SHANK2: variants seen among roughly 807,000 people sequenced by gnomAD.
SHANK2 encodes SH3 and multiple ankyrin repeat domains 2.
A neutral mutation model predicts 133.7 loss-of-function variants in SHANK2; 43 were observed. The observed-to-expected ratio is 0.32, with a 90% CI of 0.25 to 0.41. The LOEUF (loss-of-function observed/expected upper bound fraction) is 0.41, where lower values mean the gene tolerates loss of function less well. SHANK2 is among the 10% of genes least tolerant of loss of function. The probability of loss-of-function intolerance (pLI) is 1.00; values close to 1 mark genes in which losing one functional copy is unlikely to be tolerated. For synonymous variants in SHANK2, 1,017 were observed against 952.8 expected (o/e 1.07, Z -1.24); for missense variants, 1,994 against 2,235.8 (o/e 0.89, Z 2.18).
At position 71,175,551 on chromosome 11, in the gene SHANK2, G is replaced by GGA. The variant is rs555218781; in HGVS notation, c.-12-28215_-12-28214dup. ...CAGACAGACAGAGGGAGAGGGAGAG[G>GGA]GAGAGAGAGAGAGAGAGAGAGAGAG... On this transcript the variant is annotated intron_variant, in intron 2 of 25. Coordinates refer to ENST00000601538, the MANE Select transcript of SHANK2 (RefSeq NM_012309.5). This position sits in a 1 kb window ranked among gnomAD's most constrained non-coding sequence, Gnocchi z 4.2. 5.3e-3 allele frequency among the ~76,000 whole-genome samples: 216 copies of GGA among 40,642 alleles called. 6 individuals carry two copies. The highest frequency in any genetic ancestry group is 0.014 in the African/African-American group (168 of 12,220). The allele number at this position is 40,642 out of a possible 152,430, so 26.7% of individuals were successfully genotyped here. A position where few individuals can be genotyped will look rare whatever the true frequency, so the allele number is the denominator to read the frequency against.
At chr11:70,952,676 C>A in intron 10 of SHANK2, 1 of 322,684 alleles carries the variant, frequency 3.1e-6, no homozygotes, top group Non-Finnish European at 6.8e-6. Context: ...TGACGATTTT[C>A]ATGCAAAGGT....
chr11:70,923,970 C>A (rs1555081104), intron 10 of SHANK2, among the ~76,000 whole-genome samples: 1 of 152,220 alleles, frequency 6.6e-6, no homozygotes, highest in African/African-American at 2.4e-5. Flanking sequence ...GATGGCTCCC[C>A]CAGTGCCCTT....
intron 17 of SHANK2, among the ~76,000 whole-genome samples, chr11:70,517,172 A>C (rs1554970295): frequency 6.6e-6 from 1 of 152,256 alleles, no homozygotes; most frequent in Admixed American, 6.5e-5. Context: ...GTGAGACACC[A>C]CTACACACCT....
intron 15 of SHANK2, among the ~76,000 whole-genome samples, chr11:70,694,985 G>T (rs1424657055): frequency 6.6e-6 from 1 of 152,146 alleles, no homozygotes; most frequent in East Asian, 1.9e-4. Context: ...CCTGGGCAGG[G>T]TGGCCTCCCT....
chr11:71,172,133 T>C (rs1953326629), intron 2 of SHANK2, among the ~76,000 whole-genome samples: 3 of 152,032 alleles, frequency 2.0e-5, no homozygotes, highest in Admixed American at 2.0e-4. Flanking sequence ...GAGCAAACAA[T>C]TGCTAGGATT....
rs782243014 is a variant in SHANK2, at chr11:71,175,732, A to G, written c.-12-28394T>C. ...AAAAGAAAAATAACATATATTTTCA[A>G]AGTATAGGACAGGATGCACAGGAGA... On this transcript the variant is annotated intron_variant, in intron 2 of 25. Coordinates refer to ENST00000601538, the MANE Select transcript of SHANK2 (RefSeq NM_012309.5). The surrounding 1 kb of genome is among the most constrained non-coding windows in gnomAD (Gnocchi z 4.2). 6.6e-6 allele frequency among the ~76,000 whole-genome samples: 1 copy of G among 152,264 alleles called. No homozygotes were observed. The highest frequency in any genetic ancestry group is 1.5e-5 in the Non-Finnish European group (1 of 68,050).
At chr11:71,239,963 G>A (rs1219757692) in intron 1 of SHANK2, among the ~76,000 whole-genome samples, 1 of 152,188 alleles carries the variant, frequency 6.6e-6, no homozygotes, top group Non-Finnish European at 1.5e-5. Context: ...CCCGGGAGCT[G>A]GGCAAACACC....
intron 3 of SHANK2, among the ~76,000 whole-genome samples, chr11:71,124,503 T>A (rs1223141661): frequency 1.3e-5 from 2 of 151,962 alleles, no homozygotes; most frequent in African/African-American, 4.8e-5. Flanking sequence ...ACCACAACCC[T>A]AAGTGGATAT....
chr11:71,092,824 C>T (rs1345874754), intron 7 of SHANK2, among the ~76,000 whole-genome samples: 2 of 151,982 alleles, frequency 1.3e-5, no homozygotes, highest in African/African-American at 4.8e-5. Context: ...GTGGATCACC[C>T]GGGGTCAGGA....
chr11:70,892,589 C>A (rs977491732), intron 11 of SHANK2, among the ~76,000 whole-genome samples: 2 of 152,220 alleles, frequency 1.3e-5, no homozygotes, highest in Non-Finnish European at 2.9e-5. Flanking sequence ...AGTACTTCAG[C>A]ATCAGATGGA....
intron 1 of SHANK2, among the ~76,000 whole-genome samples, chr11:71,232,688 T>C (rs146453627): frequency 6.8e-4 from 103 of 152,318 alleles, no homozygotes; most frequent in African/African-American, 2.3e-3. Context: ...ACATGTTCTT[T>C]TCTCTACCTT....
At chr11:70,602,782 A>G (rs2060518087) in intron 17 of SHANK2, among the ~76,000 whole-genome samples, 1 of 152,250 alleles carries the variant, frequency 6.6e-6, no homozygotes, top group African/African-American at 2.4e-5. Flanking sequence ...ATTTTATAGT[A>G]TAAATTGTAT....
intron 15 of SHANK2, among the ~76,000 whole-genome samples, chr11:70,684,426 A>G (rs2134403589): frequency 6.6e-6 from 1 of 152,156 alleles, no homozygotes; most frequent in East Asian, 1.9e-4. Flanking sequence ...GTGGTGGTGC[A>G]CACCTGTACT....
intron 14 of SHANK2, among the ~76,000 whole-genome samples, chr11:70,734,156 C>T (rs1244784403): frequency 1.3e-5 from 2 of 152,056 alleles, no homozygotes; most frequent in South Asian, 2.1e-4. Context: ...GAGCAGAGCC[C>T]GCGGGAGGGA....
chr11:70,624,123 C>G (rs192269688), intron 17 of SHANK2, among the ~76,000 whole-genome samples: 1 of 152,062 alleles, frequency 6.6e-6, no homozygotes, highest in Admixed American at 6.5e-5. Context: ...GGGGTGGGCC[C>G]GGAGCTTCCT....
chr11:70,651,718 T>G (rs1657755337), intron 17 of SHANK2, among the ~76,000 whole-genome samples: 1 of 152,210 alleles, frequency 6.6e-6, no homozygotes, highest in South Asian at 2.1e-4. Context: ...ACCCTGTTTG[T>G]CTTTGGTGTG....
At position 70,579,546 on chromosome 11, in the gene SHANK2, C is replaced by T. The variant is rs184212958; in HGVS notation, c.2062-76615G>A. ...CCAGGTGGCATCTCCCAGGCCTGGG[C>T]GGTGATGGCATGAATGTAAGACAGG... is the stretch of plus-strand genomic sequence containing the variant. On this transcript the variant is annotated intron_variant, in intron 17 of 25. Transcript: ENST00000601538. Among the ~76,000 whole-genome samples, 471 of 152,152 alleles carry T rather than the reference C, an allele frequency of 3.1e-3. 5 individuals carry two copies. Among genetic ancestry groups the T allele is most frequent in the African/African-American group, 0.01 (424 of 41,468 alleles).
At chr11:70,898,361 T>C (rs1555076138) in intron 10 of SHANK2, among the ~76,000 whole-genome samples, 1 of 151,546 alleles carries the variant, frequency 6.6e-6, no homozygotes, top group Non-Finnish European at 1.5e-5. Context: ...AAATATGGTG[T>C]TGGTGAAAAA....
chr11:70,771,714 G>A (rs558699403), intron 14 of SHANK2, among the ~76,000 whole-genome samples: 165 of 152,250 alleles, frequency 1.1e-3, no homozygotes, highest in South Asian at 2.3e-3. Flanking sequence ...CTCATTCCAG[G>A]AGCAGCTGGG....
Sources: allele counts gnomAD v4.1 joint callset (sites outside exome capture counted in the v4.1 genomes callset), GRCh38; gene constraint gnomAD v4.1.1; non-coding constraint Gnocchi (gnomAD v3.1); transcripts MANE v1.5; gene names NCBI Gene and HGNC (gene_info 2026-07-23, HGNC 2026-07-21).